The following DNAH1 variants were observed in gnomAD, a reference collection of about 807,000 sequenced individuals.
DNAH1 encodes axonemal beta dynein heavy chain 1.
A neutral mutation model predicts 484.3 loss-of-function variants in DNAH1; 327 were observed. The observed-to-expected ratio is 0.68, with a 90% CI of 0.62 to 0.74. The LOEUF (loss-of-function observed/expected upper bound fraction) is 0.74. DNAH1 is among the 30% of genes least tolerant of loss of function. DNAH1 has a pLI of 0.00. For missense variants in DNAH1, 5,052 were observed against 5,546.8 expected, an observed-to-expected ratio of 0.91 and a Z score of 2.83; for synonymous variants, 2,192 against 2,191.9, an observed-to-expected ratio of 1.00 and a Z score of 0.00.
chr3:52,336,635 T>C (rs572606910), intron 8 of DNAH1, among the ~76,000 whole-genome samples: 29 of 152,200 alleles, frequency 1.9e-4, no homozygotes, highest in Admixed American at 3.9e-4. Context: ...GGGTCCGGTT[T>C]CAATCTTCTG....
In DNAH1 at chr3:52,347,851, G is replaced by C; in HGVS notation, c.1983G>C (p.Met661Ile). The C allele has an allele frequency of 6.3e-7, 1 of 1,599,252 alleles. No individual in the cohort carries two copies. The highest frequency in any genetic ancestry group is 8.5e-7 in the Non-Finnish European group (1 of 1,172,266). Residue 661 changes from methionine to isoleucine, a missense_variant, in exon 12 of 78, where the codon ATG becomes ATC. Around this residue, in one of 4 missense-constraint regions of DNAH1, gnomAD observed 1,263 missense variants for 1,218.8 expected, o/e 1.04. Coordinates refer to ENST00000420323, the MANE Select transcript of DNAH1 (RefSeq NM_015512.5). ...CCCGGAAGAATCCCCTGTTCATCATGGACCTGGTGCTGGACAGCTCTGGGG... is the reference window on the plus strand; with the variant it reads ...CCCGGAAGAATCCCCTGTTCATCATCGACCTGGTGCTGGACAGCTCTGGGG... ...YRPRKNPLFI[M>I]DLVLDSSGVH...
intron 46 of DNAH1, among the ~76,000 whole-genome samples, chr3:52,377,953 G>T (rs1703674940): frequency 6.6e-6 from 1 of 152,152 alleles, no homozygotes; most frequent in Admixed American, 6.5e-5. Context: ...GAGTGTGTCT[G>T]TTTGGGTCAC....
In DNAH1 at chr3:52,350,623, G is replaced by A. The variant is rs763065121; in HGVS notation, c.2729+33G>A. The A allele has an allele frequency of 2.1e-5, 33 of 1,600,326 alleles. No homozygotes were observed. In the East Asian group the frequency reaches 2.2e-4, roughly 11 times the overall value. ...GGAGCTTGGCCCCCATGCCAGGTGCGGGGTGGAGCATGAGGGGAGCTGCTG... is the reference window on the plus strand; with the variant it reads ...GGAGCTTGGCCCCCATGCCAGGTGCAGGGTGGAGCATGAGGGGAGCTGCTG... On this transcript the variant is annotated intron_variant, in intron 16 of 77. Transcript: ENST00000420323.
chr3:52,329,106 T>C (rs985584045), intron 6 of DNAH1, among the ~76,000 whole-genome samples: 2 of 152,252 alleles, frequency 1.3e-5, no homozygotes, highest in Non-Finnish European at 2.9e-5. Flanking sequence ...ACTCAATTGT[T>C]CCCAGATCGC....
chr3:52,399,473 G>T, intron 76 of DNAH1, 72 bp from the exon 77 acceptor site: 1 of 1,332,304 alleles, frequency 7.5e-7, no homozygotes, highest in East Asian at 2.5e-5. Context: ...CTCTCAGAAG[G>T]GAGTTTTGTG....
At position 52,373,143 on chromosome 3, in the gene DNAH1, T is replaced by C. The variant is rs116620381; in HGVS notation, c.6985+90T>C. 5,065 of 1,387,458 alleles carry C rather than the reference T, an allele frequency of 3.7e-3. 156 individuals carry two copies. In the African/African-American group the frequency reaches 0.067, roughly 18 times the overall value. The allele number at this position is 1,387,458 out of a possible 1,614,324, so 85.9% of individuals were successfully genotyped here. On this transcript the variant is annotated intron_variant, in intron 44 of 77. Transcript: ENST00000420323. ...ACAGCACTGAAGGCCTACAATACTT[T>C]AAGGCACCCACAAAAATGTTTTAAT...
At position 52,368,903 on chromosome 3, in the gene DNAH1, C is replaced by G. The variant is rs1703199280; in HGVS notation, c.5928C>G (p.Ile1976Met). ...AGCTGTGCCTCAGCTCTGGGGAGAT[C>G]ATCAAGCTCACAGAGGTGCACCTAC... is the stretch of plus-strand genomic sequence containing the variant. ...NKKLCLSSGE[I>M]IKLTEAMTMM... The change falls in exon 37 of 78, where the codon ATC (isoleucine) becomes ATG (methionine). Residue 1976 changes from isoleucine to methionine, a missense_variant. Transcript: ENST00000420323. The surrounding 1 kb of genome is among the most constrained non-coding windows in gnomAD (Gnocchi z 4.4). 1 of 1,613,684 alleles carries G rather than the reference C, an allele frequency of 6.2e-7. No individual in the cohort carries two copies. Among genetic ancestry groups the G allele is most frequent in the African/African-American group, 1.3e-5 (1 of 75,038 alleles).
In DNAH1 at chr3:52,345,270, G is replaced by T. The variant is rs529700526; in HGVS notation, c.1445-225G>T. On this transcript the variant is annotated intron_variant, in intron 9 of 77. Transcript: ENST00000420323. ...CTTCTCAGAGGAGCCTGTGACTAGG[G>T]GGTCCTGGAAGGAATTCCTTTACCC... Among the ~76,000 whole-genome samples, 8 of 152,332 alleles carry T rather than the reference G, an allele frequency of 5.3e-5. No individual in the cohort carries two copies. The South Asian group carries it at 1.7e-3, about 32-fold the overall frequency.
At chr3:52,351,129 C>T (rs1025529017) in intron 16 of DNAH1, among the ~76,000 whole-genome samples, 13 of 152,324 alleles carry the variant, frequency 8.5e-5, no homozygotes, top group African/African-American at 3.1e-4. Flanking sequence ...GGATTATAGG[C>T]GTGAGCCACC....
At chr3:52,352,748 T>C in intron 18 of DNAH1, 41 bp downstream of exon 18, 1 of 1,587,680 alleles carries the variant, frequency 6.3e-7, no homozygotes, top group Non-Finnish European at 8.6e-7. Context: ...GCCCCCAGGC[T>C]TGAGGAAGCA....
chr3:52,366,061 A>G (rs777538033), intron 34 of DNAH1, among the ~76,000 whole-genome samples: 5 of 152,234 alleles, frequency 3.3e-5, no homozygotes, highest in African/African-American at 4.8e-5. Context: ...ATAGCTCCCA[A>G]CTGACCCTAG....
intron 2 of DNAH1, 139 bp from the exon 3 acceptor site, chr3:52,323,667 TCA>T: frequency 1.7e-6 from 1 of 600,976 alleles, no homozygotes; most frequent in Non-Finnish European, 3.0e-6. Context: ...TTGTGCATAC[TCA>T]CTGGTTCTGC....
chr3:52,322,500 T>G lies in DNAH1; in HGVS notation c.58T>G (p.Cys20Gly). 4 of 1,613,554 alleles carry G rather than the reference T, an allele frequency of 2.5e-6. No homozygotes were observed. The highest frequency in any genetic ancestry group is 3.4e-6 in the Non-Finnish European group (4 of 1,179,734). ...GGGAAGGACCCCTCAGGGCCCAGAG[T>G]GCAGCAGTGCTCCTGCAGTCCAAGT... ...SLGRTPQGPE[C>G]SSAPAVQVGT... Residue 20 changes from cysteine to glycine, a missense_variant, in exon 2 of 78, where the codon TGC becomes GGC. Coordinates refer to ENST00000420323, the MANE Select transcript of DNAH1 (RefSeq NM_015512.5).
At position 52,393,371 on chromosome 3, in the gene DNAH1, C is replaced by G; in HGVS notation, c.10512C>G (p.Tyr3504Ter). 1 of 1,614,046 alleles carries G rather than the reference C, an allele frequency of 6.2e-7. No individual in the cohort carries two copies. Among genetic ancestry groups the G allele is most frequent in the Non-Finnish European group, 8.5e-7 (1 of 1,179,902 alleles). The change falls in exon 66 of 78, where the codon TAC (tyrosine) becomes TAG (stop). Residue 3504 changes from tyrosine to a stop codon, truncating the protein, a stop_gained. Coordinates refer to ENST00000420323, the MANE Select transcript of DNAH1 (RefSeq NM_015512.5). LOFTEE classifies it high-confidence loss of function. The part of the protein sequence containing the change: ...LKKRISNINR[Y>*]LTYSLYSNVC... ...AGCGCATCTCCAACATCAACCGCTACCTGACCTACAGCCTCTACAGCAACG... is the reference window on the plus strand; with the variant it reads ...AGCGCATCTCCAACATCAACCGCTAGCTGACCTACAGCCTCTACAGCAACG...
chr3:52,360,518 A>G, intron 28 of DNAH1, 94 bp downstream of exon 28: 2 of 1,028,158 alleles, frequency 1.9e-6, no homozygotes, highest in Non-Finnish European at 2.9e-6. Context: ...CTCTGGGGTG[A>G]TCTAGTCCAT....
Position 52,350,569 on chromosome 3 carries a change from G to A in DNAH1, c.2708G>A (p.Ser903Asn), listed in dbSNP as rs571367791. ...ATGGATGAATTCCTCTACAACCTCAGCTCAGATGACTTCAATGACAAGTGA... is the reference window on the plus strand; with the variant it reads ...ATGGATGAATTCCTCTACAACCTCAACTCAGATGACTTCAATGACAAGTGA... ...QVMDEFLYNL[S>N]SDDFNDKWIA... Residue 903 changes from serine to asparagine, a missense_variant, in exon 16 of 78, where the codon AGC (serine) becomes AAC (asparagine). By Grantham distance (46) the Ser-to-Asn change is conservative. This residue lies in a region of DNAH1 where 1,263 missense variants were observed against 1,218.8 expected (regional missense o/e 1.04). Transcript: ENST00000420323. 6.2e-7 allele frequency: 1 copy of A among 1,613,880 alleles called. No homozygotes were observed. Among genetic ancestry groups the A allele is most frequent in the Non-Finnish European group, 8.5e-7 (1 of 1,179,828 alleles).
rs565435416 is a variant in DNAH1 at position 52,354,904 on chromosome 3, C to T, written c.3542C>T (p.Ala1181Val). 3.6e-5 allele frequency: 58 copies of T among 1,613,990 alleles called. No individual in the cohort carries two copies. Among genetic ancestry groups the T allele is most frequent in the East Asian group, 8.9e-5 (4 of 44,880 alleles). Residue 1181 changes from alanine to valine, a missense_variant, in exon 21 of 78, where the codon GCG becomes GTG. Around this residue, in one of 4 missense-constraint regions of DNAH1, gnomAD observed 2,929 missense variants for 3,409.4 expected, o/e 0.86. Transcript: ENST00000420323. ...TILFNVLPYK[A>V]TDTYILKSPD... ...CTGTTCAATGTACTGCCCTACAAGG[C>T]GACAGACACCTACATCCTGAAGAGC...
At chr3:52,351,279 A>G (rs1702368673) in intron 16 of DNAH1, among the ~76,000 whole-genome samples, 1 of 152,132 alleles carries the variant, frequency 6.6e-6, no homozygotes, top group Non-Finnish European at 1.5e-5. Flanking sequence ...ATTTGTCCCC[A>G]CCCAAGTCAA....
At position 52,397,008 on chromosome 3, in the gene DNAH1, C is replaced by T. The variant is rs773101702; in HGVS notation, c.11751C>T (p.Gly3917=). 5.6e-6 allele frequency: 9 copies of T among 1,610,322 alleles called. No homozygotes were observed. Among genetic ancestry groups the T allele is most frequent in the Non-Finnish European group, 7.6e-6 (9 of 1,178,412 alleles). ...LSPEHSYSAS[G]IYHQIPPTYD... ...CTGAGCACAGCTACAGCGCCTCGGG[C>T]ATCTACCACCAGATCCCGCCTACCT... The change falls in exon 73 of 78, where the codon GGC becomes GGT. Residue 3917 remains glycine, a synonymous_variant. Coordinates refer to ENST00000420323, the MANE Select transcript of DNAH1 (RefSeq NM_015512.5).
Sources: gnomAD v4.1 joint callset for allele counts (sites outside exome capture counted in the v4.1 genomes callset) on GRCh38, gnomAD v4.1.1 for gene constraint, gnomAD v4.1.1 regional missense constraint, Gnocchi (gnomAD v3.1) non-coding constraint, MANE v1.5 for transcripts, NCBI Gene and HGNC (gene_info 2026-07-23, HGNC 2026-07-21) for gene names.